The following ST6GALNAC5 variants were observed in gnomAD, a reference collection of about 807,000 sequenced individuals.
The protein encoded by ST6GALNAC5 is ST6 N-acetylgalactosaminide alpha-2,6-sialyltransferase 5.
In ST6GALNAC5, 27 loss-of-function variants were observed where a neutral mutation model predicts 33.6. The observed-to-expected ratio is 0.80, with a 90% confidence interval of 0.59 to 1.11. The LOEUF is 1.11. ST6GALNAC5 is among the 50% of genes least tolerant of loss of function. The pLI, the probability that ST6GALNAC5 is intolerant of heterozygous loss-of-function variation, is 0.00. For synonymous variants in ST6GALNAC5, 194 were observed against 171.2 expected (o/e 1.13, Z -1.04); for missense variants, 428 against 454.0 (o/e 0.94, Z 0.52).
chr1:76,985,266 C>T (rs1435343765), intron 2 of ST6GALNAC5, among the ~76,000 whole-genome samples: 1 of 152,122 alleles, frequency 6.6e-6, no homozygotes, highest in Non-Finnish European at 1.5e-5. Context: ...TTAGAAAACC[C>T]CATCATGTCA....
intron 2 of ST6GALNAC5, among the ~76,000 whole-genome samples, chr1:76,877,369 G>A (rs1171957233): frequency 6.6e-6 from 1 of 152,134 alleles, no homozygotes; most frequent in Non-Finnish European, 1.5e-5. Context: ...GCCTTCTCCT[G>A]TTCTGGACCC....
At chr1:77,011,174 G>A (rs1375382006) in intron 2 of ST6GALNAC5, among the ~76,000 whole-genome samples, 1 of 152,186 alleles carries the variant, frequency 6.6e-6, no homozygotes, top group African/African-American at 2.4e-5. Flanking sequence ...GCGGCACTCA[G>A]TAGGACAATG....
chr1:76,976,844 C>A (rs527263088), intron 2 of ST6GALNAC5, among the ~76,000 whole-genome samples: 4 of 151,880 alleles, frequency 2.6e-5, no homozygotes, highest in Admixed American at 6.6e-5. Context: ...TTTTAAGAAC[C>A]AACATTAGCC....
At chr1:76,911,802 G>C (rs1310868556) in intron 2 of ST6GALNAC5, among the ~76,000 whole-genome samples, 1 of 151,974 alleles carries the variant, frequency 6.6e-6, no homozygotes, top group African/African-American at 2.4e-5. Context: ...GCGTCTATTT[G>C]ATTCTTCTCT....
chr1:76,933,871 T>C (rs1313807989), intron 2 of ST6GALNAC5, among the ~76,000 whole-genome samples: 1 of 149,178 alleles, frequency 6.7e-6, no homozygotes, highest in Admixed American at 6.8e-5. Context: ...TGTTGATAAA[T>C]AATCCTCTTA....
chr1:77,015,931 T>C (rs1650814364), intron 2 of ST6GALNAC5, among the ~76,000 whole-genome samples: 1 of 151,960 alleles, frequency 6.6e-6, no homozygotes, highest in Admixed American at 6.5e-5. Flanking sequence ...TGTGAGCTTG[T>C]AAGTAGCTTT....
chr1:76,959,789 G>T (rs1648154900), intron 2 of ST6GALNAC5, among the ~76,000 whole-genome samples: 1 of 152,164 alleles, frequency 6.6e-6, no homozygotes, highest in Admixed American at 6.5e-5. Flanking sequence ...TAACGTTTCA[G>T]CTTCTCATGA....
At chr1:76,970,693 G>A (rs933199228) in intron 2 of ST6GALNAC5, among the ~76,000 whole-genome samples, 28 of 152,074 alleles carry the variant, frequency 1.8e-4, no homozygotes, top group African/African-American at 6.5e-4. Flanking sequence ...TTCAAATTCA[G>A]GAAATACAGA....
At chr1:76,944,383 T>G (rs1647439047) in intron 2 of ST6GALNAC5, among the ~76,000 whole-genome samples, 1 of 152,106 alleles carries the variant, frequency 6.6e-6, no homozygotes, top group African/African-American at 2.4e-5. Flanking sequence ...AAGGATTTTT[T>G]TATGAAGTCA....
At chr1:77,010,077 T>C (rs535689467) in intron 2 of ST6GALNAC5, among the ~76,000 whole-genome samples, 1 of 152,334 alleles carries the variant, frequency 6.6e-6, no homozygotes, top group South Asian at 2.1e-4. Flanking sequence ...CAGAGAACTT[T>C]CCACCAGCCC....
At chr1:77,056,647 A>T (rs1399417975) in intron 4 of ST6GALNAC5, among the ~76,000 whole-genome samples, 2 of 152,338 alleles carry the variant, frequency 1.3e-5, no homozygotes, top group South Asian at 4.1e-4. Context: ...ACCGGGTAGA[A>T]TCGGAAGCTT....
chr1:77,017,722 C>T (rs546630305), intron 2 of ST6GALNAC5, among the ~76,000 whole-genome samples: 1 of 152,164 alleles, frequency 6.6e-6, no homozygotes, highest in South Asian at 2.1e-4. Context: ...ATTAAAAGTT[C>T]TTACGTAGGA....
At chr1:77,062,913 C>A in intron 4 of ST6GALNAC5, 62 bp from the exon 5 acceptor site, 1 of 1,201,578 alleles carries the variant, frequency 8.3e-7, no homozygotes, top group Non-Finnish European at 1.2e-6. Flanking sequence ...CATCTTACCT[C>A]AATCAGTCAA....
intron 2 of ST6GALNAC5, among the ~76,000 whole-genome samples, chr1:76,913,337 T>C (rs1025683714): frequency 6.6e-6 from 1 of 151,290 alleles, no homozygotes; most frequent in Non-Finnish European, 1.5e-5. Flanking sequence ...CCTTTCTCTC[T>C]GGCTGCCCTT....
intron 2 of ST6GALNAC5, among the ~76,000 whole-genome samples, chr1:76,906,601 G>T (rs1053385671): frequency 3.3e-5 from 5 of 152,072 alleles, no homozygotes; most frequent in African/African-American, 1.2e-4. Flanking sequence ...TTGAGTACAG[G>T]CATGACAAGA....
At chr1:76,954,471 C>T (rs578012649) in intron 2 of ST6GALNAC5, among the ~76,000 whole-genome samples, 4 of 152,042 alleles carry the variant, frequency 2.6e-5, no homozygotes, top group Admixed American at 2.6e-4. Flanking sequence ...AGCAAACCAC[C>T]ATGGCACACG....
At position 76,994,761 on chromosome 1, in the gene ST6GALNAC5, G is replaced by A. The variant is rs537430604; in HGVS notation, c.262-49443G>A. On this transcript the variant is annotated intron_variant, in intron 2 of 4. Transcript: ENST00000477717. ...GAAAAACACAGGACAATAACCAGTT[G>A]AAAGCAGCAAAGTTCTGCATTATTT... 1.4e-4 allele frequency among the ~76,000 whole-genome samples: 22 copies of A among 152,276 alleles called. 1 individual carries two copies. The East Asian group carries it at 1.7e-3, about 12-fold the overall frequency.
intron 2 of ST6GALNAC5, among the ~76,000 whole-genome samples, chr1:76,935,833 A>G (rs1269551175): frequency 6.6e-6 from 1 of 152,088 alleles, no homozygotes; most frequent in Non-Finnish European, 1.5e-5. Context: ...TGCAAAGTCC[A>G]GACACTTTCT....
chr1:76,988,872 C>A (rs1649613191), intron 2 of ST6GALNAC5, among the ~76,000 whole-genome samples: 1 of 152,076 alleles, frequency 6.6e-6, no homozygotes, highest in African/African-American at 2.4e-5. Flanking sequence ...AAAAAGACAT[C>A]AACAAAATAA....
Sources: allele counts gnomAD v4.1 joint callset (sites outside exome capture counted in the v4.1 genomes callset), GRCh38; gene constraint gnomAD v4.1.1; transcripts MANE v1.5; gene names NCBI Gene and HGNC (gene_info 2026-07-23, HGNC 2026-07-21).